DPYSL3: variants seen among roughly 807,000 people sequenced by gnomAD.
DPYSL3 encodes the protein dihydropyrimidinase-related protein 3.
DPYSL3 carries 16 observed loss-of-function variants against 66.1 expected under a neutral mutation model. That is an observed-to-expected ratio of 0.24 (90% CI 0.16 to 0.37). The LOEUF (loss-of-function observed/expected upper bound fraction) is 0.37. DPYSL3 is among the 10% of genes least tolerant of loss of function. The pLI is 1.00. For missense variants in DPYSL3, 738 were observed against 916.2 expected (o/e 0.81, Z 2.51); for synonymous variants, 338 against 345.1 (o/e 0.98, Z 0.23).
At chr5:147,419,704 G>A (rs1425003775) in intron 2 of DPYSL3, among the ~76,000 whole-genome samples, 1 of 152,114 alleles carries the variant, frequency 6.6e-6, no homozygotes, top group African/African-American at 2.4e-5. Flanking sequence ...GCAGTAAGAA[G>A]TCTACCACTG....
chr5:147,411,720 C>A lies in DPYSL3; in HGVS notation c.963+888G>T, dbSNP rs539403084. The stretch of plus-strand genomic sequence containing the variant: ...GGAGGCCTAGACATTGTTCCTACAC[C>A]CCTGCTGACCACATTCACCAAGTTC... On this transcript the variant is annotated intron_variant, in intron 6 of 13. Transcript: ENST00000343218. 2.6e-5 allele frequency among the ~76,000 whole-genome samples: 4 copies of A among 152,260 alleles called. No homozygotes were observed. In the South Asian group the frequency reaches 8.3e-4, roughly 32 times the overall value.
chr5:147,423,534 A>T (rs891561917), intron 2 of DPYSL3, among the ~76,000 whole-genome samples: 1 of 152,182 alleles, frequency 6.6e-6, no homozygotes, highest in Non-Finnish European at 1.5e-5. Context: ...TACACACTCA[A>T]TAAAAAGTAG....
intron 1 of DPYSL3, among the ~76,000 whole-genome samples, chr5:147,459,234 T>C (rs1248402686): frequency 1.3e-5 from 2 of 152,156 alleles, no homozygotes; most frequent in African/African-American, 2.4e-5. Context: ...TAAAAATACA[T>C]TTATATGTTG....
At chr5:147,431,450 T>C (rs1194865330) in intron 1 of DPYSL3, among the ~76,000 whole-genome samples, 1 of 152,092 alleles carries the variant, frequency 6.6e-6, no homozygotes, top group South Asian at 2.1e-4. Flanking sequence ...CAATGATACC[T>C]TTTTCTGAGG....
chr5:147,418,876 C>T (rs989704122), intron 2 of DPYSL3, among the ~76,000 whole-genome samples: 2 of 152,150 alleles, frequency 1.3e-5, no homozygotes, highest in African/African-American at 4.8e-5. Context: ...TGGTTTAGTA[C>T]TATAACCCCA....
In DPYSL3 at chr5:147,457,584, C is replaced by T. The variant is rs74843544; in HGVS notation, c.382-32621G>A. ...TTTCAGAGCAGATGAATTAAGATGGCGAAGAATCACTTTGCTAATATGATA... is the reference window on the plus strand; with the variant it reads ...TTTCAGAGCAGATGAATTAAGATGGTGAAGAATCACTTTGCTAATATGATA... On this transcript the variant is annotated intron_variant, in intron 1 of 13. Coordinates refer to ENST00000343218, the MANE Select transcript of DPYSL3 (RefSeq NM_001197294.2). 6.6e-4 allele frequency among the ~76,000 whole-genome samples: 100 copies of T among 152,266 alleles called. 1 individual carries two copies. The East Asian group carries it at 0.017, about 26-fold the overall frequency.
chr5:147,492,049 A>AG (rs891263567), intron 1 of DPYSL3, among the ~76,000 whole-genome samples: 2 of 151,840 alleles, frequency 1.3e-5, no homozygotes, highest in African/African-American at 4.8e-5. Flanking sequence ...AAGAAGCCAT[A>AG]GGGGGGGAAA....
chr5:147,451,167 T>C (rs1752720763), intron 1 of DPYSL3, among the ~76,000 whole-genome samples: 1 of 152,240 alleles, frequency 6.6e-6, no homozygotes, highest in South Asian at 2.1e-4. Context: ...AATTTACAAA[T>C]GGATTCCTTA....
At chr5:147,409,565 C>T (rs1019442229) in intron 6 of DPYSL3, among the ~76,000 whole-genome samples, 1 of 152,116 alleles carries the variant, frequency 6.6e-6, no homozygotes, top group Non-Finnish European at 1.5e-5. Context: ...AGTGCATGTC[C>T]CTTGTGGTTG....
chr5:147,502,638 G>A (rs190093410), intron 1 of DPYSL3, among the ~76,000 whole-genome samples: 3 of 145,294 alleles, frequency 2.1e-5, no homozygotes, highest in Non-Finnish European at 4.5e-5. Flanking sequence ...GTGCAGTGGC[G>A]CAGTCTCGGC....
chr5:147,484,173 T>C (rs776820637), intron 1 of DPYSL3, among the ~76,000 whole-genome samples: 2 of 152,220 alleles, frequency 1.3e-5, no homozygotes, highest in Non-Finnish European at 2.9e-5. Flanking sequence ...GGCCACTTCA[T>C]TTGGGAATTT....
chr5:147,392,402 C>A lies in DPYSL3; in HGVS notation c.*1633G>T, dbSNP rs1209113175. On this transcript the variant is annotated 3_prime_UTR_variant, in exon 14 of 14. Transcript: ENST00000343218. The stretch of plus-strand genomic sequence containing the variant: ...TCTCTGGTCTTCAACTTATTCAAAC[C>A]TGCAGTCAGAGACAATGGTTTCTCC... The A allele has an allele frequency of 6.6e-6, 1 of 152,224 alleles. No homozygotes were observed. Among genetic ancestry groups the A allele is most frequent in the Non-Finnish European group, 1.5e-5 (1 of 68,052 alleles). The allele number at this position is 152,224 out of a possible 1,614,324, so 9.4% of individuals were successfully genotyped here.
chr5:147,452,098 G>T lies in DPYSL3; in HGVS notation c.382-27135C>A, dbSNP rs556892906. Among the ~76,000 whole-genome samples the T allele has an allele frequency of 3.3e-5, 5 of 152,264 alleles. No homozygotes were observed. The South Asian group carries it at 1.0e-3, about 32-fold the overall frequency. Reference sequence around the variant, plus strand: ...CCAGCTGGGAAGCTGGTAGGGGTGGGGTGCATTTGTGTGAAGTGAAGCTCA... The same window carrying T: ...CCAGCTGGGAAGCTGGTAGGGGTGGTGTGCATTTGTGTGAAGTGAAGCTCA... On this transcript the variant is annotated intron_variant, in intron 1 of 13. Transcript: ENST00000343218.
At chr5:147,453,980 T>G in intron 1 of DPYSL3, 2 of 207,998 alleles carry the variant, frequency 9.6e-6, no homozygotes, top group Non-Finnish European at 9.4e-6. Flanking sequence ...TTTCTTTTTC[T>G]TTCTTTTTTT....
At chr5:147,505,421 G>A (rs1753673692) in intron 1 of DPYSL3, among the ~76,000 whole-genome samples, 2 of 152,134 alleles carry the variant, frequency 1.3e-5, no homozygotes, top group African/African-American at 4.8e-5. Flanking sequence ...TTTTAGTAGA[G>A]ACGGGGGTTT....
At chr5:147,401,398 AC>A in intron 9 of DPYSL3, 141 bp downstream of exon 9, 1 of 947,034 alleles carries the variant, frequency 1.1e-6, no homozygotes, top group Non-Finnish European at 1.5e-6. Context: ...TACGCTCAAG[AC>A]TGTAAAAGAA....
At chr5:147,408,698 G>A in intron 7 of DPYSL3, 30 bp downstream of exon 7, 1 of 1,609,094 alleles carries the variant, frequency 6.2e-7, no homozygotes, top group East Asian at 2.2e-5. Flanking sequence ...TTCATGCGTT[G>A]TGTGTGCACC....
chr5:147,481,705 G>T (rs187089675), intron 1 of DPYSL3, among the ~76,000 whole-genome samples: 3 of 152,312 alleles, frequency 2.0e-5, no homozygotes, highest in Non-Finnish European at 4.4e-5. Context: ...AAAAGAGCTT[G>T]AGGCTGTGAG....
At chr5:147,501,458 A>G (rs1753611007) in intron 1 of DPYSL3, among the ~76,000 whole-genome samples, 1 of 143,548 alleles carries the variant, frequency 7.0e-6, no homozygotes, top group Non-Finnish European at 1.5e-5. Flanking sequence ...AATGTAAACT[A>G]TGGATTTGTG....
Sources: allele counts gnomAD v4.1 joint callset (sites outside exome capture counted in the v4.1 genomes callset), GRCh38; gene constraint gnomAD v4.1.1; transcripts MANE v1.5; gene names NCBI Gene and HGNC (gene_info 2026-07-23, HGNC 2026-07-21).